Variants in MGAT4A observed in about 807,000 individuals in gnomAD.
MGAT4A encodes N-acetylglucosaminyltransferase IVa.
In MGAT4A, 33 loss-of-function variants were observed where a neutral mutation model predicts 74.1. The ratio of observed to expected loss-of-function variants is 0.45; its 90% confidence interval spans 0.34 to 0.60. MGAT4A has a LOEUF of 0.60. MGAT4A is among the 20% of genes least tolerant of loss of function. The pLI is 0.02. For missense variants in MGAT4A, 479 were observed against 628.3 expected (o/e 0.76, Z 2.54); for synonymous variants, 198 against 210.4 (o/e 0.94, Z 0.51).
chr2:98,675,563 T>G (rs967270204), intron 3 of MGAT4A, among the ~76,000 whole-genome samples: 7 of 151,990 alleles, frequency 4.6e-5, no homozygotes, highest in African/African-American at 7.2e-5. Context: ...TTTTTTTTTT[T>G]TGTGACAGGG....
At chr2:98,667,696 T>TTTGTTGTTGTTGTTGTTGTTG (rs142922685) in intron 4 of MGAT4A, among the ~76,000 whole-genome samples, 1 of 150,160 alleles carries the variant, frequency 6.7e-6, no homozygotes, top group African/African-American at 2.5e-5. Context: ...GCATTCAGTT[T>TTTGTTGTTGTTGTTGTTGTTG]TTGTTGTTGT....
At chr2:98,696,924 A>T (rs936692560) in intron 2 of MGAT4A, among the ~76,000 whole-genome samples, 2 of 152,200 alleles carry the variant, frequency 1.3e-5, no homozygotes, top group Non-Finnish European at 2.9e-5. Context: ...TTGTAGTAAC[A>T]ATGCCTATAT....
chr2:98,671,063 C>T (rs919202441), intron 4 of MGAT4A, among the ~76,000 whole-genome samples: 3 of 152,204 alleles, frequency 2.0e-5, no homozygotes, highest in Non-Finnish European at 4.4e-5. Flanking sequence ...CACCATGCAT[C>T]CAGTCACTCA....
At chr2:98,643,786 T>C in intron 10 of MGAT4A, 137 bp downstream of exon 10, 1 of 797,720 alleles carries the variant, frequency 1.3e-6, no homozygotes, top group African/African-American at 1.8e-5. Flanking sequence ...TCTTCTAATA[T>C]AGAAACTTTT....
At chr2:98,631,885 C>A (rs371616183) in intron 14 of MGAT4A, among the ~76,000 whole-genome samples, 27 of 151,790 alleles carry the variant, frequency 1.8e-4, no homozygotes, top group African/African-American at 6.0e-4. Flanking sequence ...TTTGGGAGGC[C>A]GAGGCCAGTG....
intron 4 of MGAT4A, chr2:98,663,448 TA>T (rs1489663549): frequency 6.8e-7 from 1 of 1,476,590 alleles, no homozygotes; most frequent in African/African-American, 1.4e-5. Flanking sequence ...CTGCGAAGTA[TA>T]AACAGCAAAC....
chr2:98,659,326 G>A (rs964434139), intron 5 of MGAT4A, among the ~76,000 whole-genome samples: 2 of 152,124 alleles, frequency 1.3e-5, no homozygotes, highest in East Asian at 1.9e-4. Context: ...AAATAATTAT[G>A]AGCATTATTT....
intron 2 of MGAT4A, among the ~76,000 whole-genome samples, chr2:98,717,375 T>C (rs1034036678): frequency 7.2e-6 from 1 of 139,790 alleles, no homozygotes; most frequent in Non-Finnish European, 1.5e-5. Context: ...CGAGACTCCA[T>C]CTCAAAAAAA....
chr2:98,658,316 A>G (rs986707123), intron 5 of MGAT4A, 52 bp from the exon 6 acceptor site: 18 of 965,088 alleles, frequency 1.9e-5, no homozygotes, highest in Non-Finnish European at 2.5e-5. Flanking sequence ...TTTTTATTTA[A>G]CTGTTAATAC....
At chr2:98,722,642 A>T (rs1702692668) in intron 2 of MGAT4A, among the ~76,000 whole-genome samples, 1 of 152,186 alleles carries the variant, frequency 6.6e-6, no homozygotes, top group Non-Finnish European at 1.5e-5. Context: ...CATATCTGTG[A>T]ATATACCAAA....
intron 4 of MGAT4A, among the ~76,000 whole-genome samples, chr2:98,673,469 C>CT (rs1701937450): frequency 2.0e-5 from 3 of 152,052 alleles, no homozygotes; most frequent in Non-Finnish European, 4.4e-5. Context: ...AGAGCTTTTC[C>CT]TAATGATTTA....
intron 9 of MGAT4A, among the ~76,000 whole-genome samples, chr2:98,644,810 T>G (rs1401558327): frequency 6.6e-6 from 1 of 152,118 alleles, no homozygotes; most frequent in Non-Finnish European, 1.5e-5. Flanking sequence ...ATTTTTGTAT[T>G]TTTAGTAGAG....
chr2:98,660,062 CAT>C (rs1301048314), intron 5 of MGAT4A, among the ~76,000 whole-genome samples: 2 of 152,112 alleles, frequency 1.3e-5, no homozygotes, highest in African/African-American at 2.4e-5. Context: ...AATATACAAA[CAT>C]CGGTAGCATT....
chr2:98,659,715 A>C (rs941369788), intron 5 of MGAT4A, among the ~76,000 whole-genome samples: 3 of 152,230 alleles, frequency 2.0e-5, no homozygotes, highest in African/African-American at 7.2e-5. Flanking sequence ...GCCATGTAAG[A>C]CATGCCTTTC....
intron 2 of MGAT4A, among the ~76,000 whole-genome samples, chr2:98,695,919 C>T (rs1257143721): frequency 2.7e-5 from 4 of 148,660 alleles, no homozygotes; most frequent in Non-Finnish European, 5.9e-5. Flanking sequence ...GGCTCTGTTG[C>T]CCAGGCTGGA....
chr2:98,648,595 T>C (rs990706283), intron 8 of MGAT4A, among the ~76,000 whole-genome samples: 3 of 151,350 alleles, frequency 2.0e-5, no homozygotes, highest in African/African-American at 4.9e-5. Flanking sequence ...GGTGCATGTC[T>C]GTGGCCCCAG....
intron 2 of MGAT4A, among the ~76,000 whole-genome samples, chr2:98,687,758 ACTC>A (rs1702147971): frequency 6.6e-6 from 1 of 151,904 alleles, no homozygotes; most frequent in Non-Finnish European, 1.5e-5. Context: ...TAAACAGTCC[ACTC>A]ACTTGCCCTG....
chr2:98,726,657 T>C (rs748054459), intron 1 of MGAT4A, 90 bp from the exon 2 acceptor site: 12 of 301,608 alleles, frequency 4.0e-5, no homozygotes, highest in Admixed American at 1.5e-4. Context: ...AACAGACTTT[T>C]GGCAGGGCTA....
chr2:98,728,679 G>A (rs1180979154), intron 1 of MGAT4A, among the ~76,000 whole-genome samples: 2 of 150,902 alleles, frequency 1.3e-5, no homozygotes, highest in African/African-American at 2.4e-5. Flanking sequence ...AACCTGGGAG[G>A]CAGAGGTTGC....
Sources: gnomAD v4.1 joint callset for allele counts (sites outside exome capture counted in the v4.1 genomes callset) on GRCh38, gnomAD v4.1.1 for gene constraint, MANE v1.5 for transcripts, NCBI Gene and HGNC (gene_info 2026-07-23, HGNC 2026-07-21) for gene names.